The following RAB37 variants were observed in gnomAD, a reference collection of about 807,000 sequenced individuals.
The protein encoded by RAB37 is RAB37, member RAS oncogene family, also known as ras-related protein Rab-37.
In RAB37, 29 loss-of-function variants were observed where a neutral mutation model predicts 33.1. The ratio of observed to expected loss-of-function variants is 0.88; its 90% CI spans 0.65 to 1.20. The LOEUF is 1.20. RAB37 is among the 50% of genes most tolerant of loss of function. RAB37 has a pLI of 0.00. For synonymous variants in RAB37, 128 were observed against 119.5 expected, an observed-to-expected ratio of 1.07 and a Z score of -0.47; for missense variants, 299 against 301.1, an observed-to-expected ratio of 0.99 and a Z score of 0.05.
chr17:74,732,035 A>C (rs1052375854), intron 2 of RAB37, among the ~76,000 whole-genome samples: 7 of 151,958 alleles, frequency 4.6e-5, no homozygotes, highest in East Asian at 1.9e-4. Context: ...AAAAAAAAAA[A>C]ACACCTCACT....
rs766870602 is a variant in RAB37, at chr17:74,703,026, C to T, written c.73-26230C>T. The T allele has an allele frequency of 4.3e-6, 7 of 1,609,412 alleles. No homozygotes were observed. The Admixed American group carries it at 1.2e-4, about 27-fold the overall frequency. On this transcript the variant is annotated intron_variant, in intron 1 of 7. Coordinates refer to the RAB37 transcript ENST00000340415. The stretch of plus-strand genomic sequence containing the variant: ...CAAGTAGGCCACAGTGGAACCAGAG[C>T]TGGCTTACCTGTTGTCCAAGTGGTG...
At chr17:74,698,445 G>A in intron 1 of RAB37, 1 of 1,614,000 alleles carries the variant, frequency 6.2e-7, no homozygotes, top group Non-Finnish European at 8.5e-7. Flanking sequence ...TGGTGAAGAT[G>A]AGGGGCAGGA....
In RAB37 at chr17:74,738,820, G is replaced by C. The variant is rs1295482253; in HGVS notation, c.93+1455G>C. ...AGCCTGGCAGGAGCTCCTTGGACCA[G>C]ACTAGGGGTGATGTGGCCCACAGGC... On this transcript the variant is annotated intron_variant, in intron 1 of 8. Transcript: ENST00000392613. The surrounding 1 kb of genome is among the most constrained non-coding windows in gnomAD (Gnocchi z 5.0). Among the ~76,000 whole-genome samples, 1 of 152,206 alleles carries C rather than the reference G, an allele frequency of 6.6e-6. No individual in the cohort carries two copies. Among genetic ancestry groups the C allele is most frequent in the African/African-American group, 2.4e-5 (1 of 41,462 alleles).
chr17:74,682,006 C>T (rs1309178388), intron 1 of RAB37, among the ~76,000 whole-genome samples: 5 of 152,220 alleles, frequency 3.3e-5, no homozygotes, highest in Admixed American at 3.3e-4. Context: ...AAGCTTTATC[C>T]CTGTCTCTGC....
intron 1 of RAB37, among the ~76,000 whole-genome samples, chr17:74,696,463 T>C (rs1329054315): frequency 2.0e-5 from 3 of 152,174 alleles, no homozygotes; most frequent in African/African-American, 4.8e-5. Flanking sequence ...CCCCACATCA[T>C]AGAACTGTGC....
At chr17:74,689,965 T>C (rs1192902401) in intron 1 of RAB37, among the ~76,000 whole-genome samples, 5 of 152,150 alleles carry the variant, frequency 3.3e-5, no homozygotes, top group Non-Finnish European at 5.9e-5. Context: ...AGTGGAATCT[T>C]TTTTGACATG....
At chr17:74,713,667 T>C (rs2034101918) in intron 1 of RAB37, among the ~76,000 whole-genome samples, 1 of 151,868 alleles carries the variant, frequency 6.6e-6, no homozygotes, top group Non-Finnish European at 1.5e-5. Flanking sequence ...AGGCCAGAAG[T>C]TCAAGAGGAT....
At chr17:74,708,825 G>A (rs1213915484) in intron 1 of RAB37, among the ~76,000 whole-genome samples, 1 of 151,330 alleles carries the variant, frequency 6.6e-6, no homozygotes, top group African/African-American at 2.4e-5. Context: ...TGAGGCAGGA[G>A]AATGACGTGA....
chr17:74,722,638 T>G (rs116677092), intron 1 of RAB37, among the ~76,000 whole-genome samples: 1,999 of 152,318 alleles, frequency 0.013, 54 homozygotes, highest in African/African-American at 0.045. Flanking sequence ...ACTAACCACA[T>G]GTACACAAAA....
At chr17:74,714,065 G>T (rs895711761) in intron 1 of RAB37, among the ~76,000 whole-genome samples, 1 of 151,888 alleles carries the variant, frequency 6.6e-6, no homozygotes, top group African/African-American at 2.4e-5. Flanking sequence ...ACAAAAATTA[G>T]CTGGGCGTGG....
At chr17:74,686,736 T>C (rs1006534757) in intron 1 of RAB37, among the ~76,000 whole-genome samples, 1 of 152,122 alleles carries the variant, frequency 6.6e-6, no homozygotes, top group Non-Finnish European at 1.5e-5. Flanking sequence ...ACATCTCCAC[T>C]GGTTCTTTCC....
In RAB37 at chr17:74,695,146, C is replaced by T. The variant is rs202024913; in HGVS notation, c.72+23488C>T. On this transcript the variant is annotated intron_variant, in intron 1 of 7. Coordinates refer to the RAB37 transcript ENST00000340415. ...TCCGTGGGCTCCTCAGGGCCCCTGC[C>T]GGGGAGGTGGCTACTGAGGTGGCCC... 1.7e-4 allele frequency: 270 copies of T among 1,614,174 alleles called. No homozygotes were observed. The highest frequency in any genetic ancestry group is 5.3e-4 in the Admixed American group (32 of 60,012).
rs529297228 is a variant in RAB37, at chr17:74,708,910, C to G, written c.73-20346C>G. On this transcript the variant is annotated intron_variant, in intron 1 of 7. Transcript: ENST00000340415. Reference sequence around the variant, plus strand: ...CAGCCTGGGCGACAGAGCAAGACTCCGTCTCAAAAAAAAAAAGGAAAATCA... The same window carrying G: ...CAGCCTGGGCGACAGAGCAAGACTCGGTCTCAAAAAAAAAAAGGAAAATCA... 1.1e-4 allele frequency among the ~76,000 whole-genome samples: 16 copies of G among 141,972 alleles called. No individual in the cohort carries two copies. In the Admixed American group the frequency reaches 1.1e-3, roughly 10 times the overall value. 93.1% of individuals were successfully genotyped at this position (141,972 alleles called of 152,430 possible).
At position 74,695,028 on chromosome 17, in the gene RAB37, G is replaced by A. The variant is rs866429626; in HGVS notation, c.72+23370G>A. On this transcript the variant is annotated intron_variant, in intron 1 of 7. Coordinates refer to the RAB37 transcript ENST00000340415. Reference sequence around the variant, plus strand: ...GGTTGGTCCTGATGAGGGGAGCAGGGGGCAGACGGTCGATGAGGCAGGAGT... The same window carrying A: ...GGTTGGTCCTGATGAGGGGAGCAGGAGGCAGACGGTCGATGAGGCAGGAGT... The A allele has an allele frequency of 1.3e-5, 20 of 1,524,376 alleles. No individual in the cohort carries two copies. In the East Asian group the frequency reaches 3.9e-4, roughly 30 times the overall value. The allele number at this position is 1,524,376 out of a possible 1,614,324, so 94.4% of individuals were successfully genotyped here.
At position 74,745,711 on chromosome 17, in the gene RAB37, G is replaced by C. The variant is rs2034744857; in HGVS notation, c.*300G>C. 1 of 319,918 alleles carries C rather than the reference G, an allele frequency of 3.1e-6. No homozygotes were observed. Among genetic ancestry groups the C allele is most frequent in the African/African-American group, 2.2e-5 (1 of 45,632 alleles). The allele number at this position is 319,918 out of a possible 1,614,324, so 19.8% of individuals were successfully genotyped here. On this transcript the variant is annotated 3_prime_UTR_variant, in exon 9 of 9. Transcript: ENST00000392613. The surrounding 1 kb of genome is among the most constrained non-coding windows in gnomAD (Gnocchi z 4.5). ...AGCTAGTGGCCCTTTTGCTTTCTAG[G>C]ACTTGGGGGGCCGGCCCTCCCTCCT...
rs188903515 is a variant in RAB37 at position 74,689,176 on chromosome 17, C to A, written c.72+17518C>A. Among the ~76,000 whole-genome samples, 3 of 152,142 alleles carry A rather than the reference C, an allele frequency of 2.0e-5. No homozygotes were observed. The East Asian group carries it at 5.8e-4, about 29-fold the overall frequency. ...AACCAGGTGTGGGCGAGTGTGGTAG[C>A]TGACACCTGTAATCCCAGCACTTTG... On this transcript the variant is annotated intron_variant, in intron 1 of 7. Transcript: ENST00000340415.
intron 1 of RAB37, chr17:74,703,130 G>A (rs1256856015): frequency 6.2e-7 from 1 of 1,613,540 alleles, no homozygotes; most frequent in South Asian, 1.1e-5. Context: ...GCGTGGTGGG[G>A]GCAGGAGTCG....
At chr17:74,695,737 T>G in intron 1 of RAB37, 1 of 1,614,060 alleles carries the variant, frequency 6.2e-7, no homozygotes. Flanking sequence ...TGGTGACATA[T>G]TCCACTTCCA....
At chr17:74,683,581 C>T (rs139635715) in intron 1 of RAB37, among the ~76,000 whole-genome samples, 1 of 152,162 alleles carries the variant, frequency 6.6e-6, no homozygotes, top group Non-Finnish European at 1.5e-5. Flanking sequence ...ACTTTGCATT[C>T]GCCATCTTTA....
Sources: gnomAD v4.1 joint callset for allele counts (sites outside exome capture counted in the v4.1 genomes callset) on GRCh38, gnomAD v4.1.1 for gene constraint, Gnocchi (gnomAD v3.1) non-coding constraint, MANE v1.5 for transcripts, NCBI Gene and HGNC (gene_info 2026-07-23, HGNC 2026-07-21) for gene names.